The following IL11RA variants were observed in gnomAD, a reference collection of about 807,000 sequenced individuals.
The protein encoded by IL11RA is interleukin-11 receptor subunit alpha.
In IL11RA, 51 loss-of-function variants were observed where a neutral mutation model predicts 57.0. The ratio of observed to expected loss-of-function variants is 0.89; its 90% confidence interval spans 0.71 to 1.13. The LOEUF is 1.13. Among genes scored for constraint, IL11RA ranks in the 50% most tolerant of loss-of-function variants. The pLI is 0.00. For synonymous variants in IL11RA, 199 were observed against 217.5 expected (o/e 0.91, Z 0.75); for missense variants, 498 against 539.4 (o/e 0.92, Z 0.76).
intron 3 of IL11RA, among the ~76,000 whole-genome samples, chr9:34,656,211 T>G (rs1051856616): frequency 6.6e-6 from 1 of 152,078 alleles, no homozygotes; most frequent in Non-Finnish European, 1.5e-5. Flanking sequence ...TTTTTTTGTA[T>G]TTTTAGTAGA....
In IL11RA at chr9:34,660,871, G is replaced by T; in HGVS notation, c.1187G>T (p.Gly396Val). 1 of 1,614,232 alleles carries T rather than the reference G, an allele frequency of 6.2e-7. No individual in the cohort carries two copies. The highest frequency in any genetic ancestry group is 8.5e-7 in the Non-Finnish European group (1 of 1,180,032). Residue 396 changes from glycine (G) to valine (V), a missense_variant, in exon 12 of 13, where the codon GGT (glycine) becomes GTT (valine). Physicochemically the swap from Gly to Val is moderately radical, Grantham distance 109. Transcript: ENST00000441545. Reference protein sequence around the residue: ...ALGLWLRLRRGGKDGSPKPGF... With the variant: ...ALGLWLRLRRVGKDGSPKPGF... ...TGCCCCAGGCTGAGGCTGAGACGGG[G>T]TGGGAAGGATGGATCCCCAAAGCCT...
chr9:34,655,700 A>T, intron 3 of IL11RA, 35 bp downstream of exon 3: 1 of 1,592,500 alleles, frequency 6.3e-7, no homozygotes, highest in South Asian at 1.1e-5. Flanking sequence ...TCTGACACTC[A>T]TGACCCTTTC....
In IL11RA at chr9:34,660,284, A is replaced by G; in HGVS notation, c.963A>G (p.Pro321=). ...AWGTPSTGTI[P]KEIPAWGQLH... ...CTTGCCTTCCTTTAGGGACCATACC[A>G]AAGGAGATACCAGCATGGGGCCAGC... is the stretch of plus-strand genomic sequence containing the variant. The change falls in exon 10 of 13, where the codon CCA becomes CCG. Residue 321 remains proline (P), a synonymous_variant. Coordinates refer to ENST00000441545, the MANE Select transcript of IL11RA (RefSeq NM_001142784.3). 6.2e-7 allele frequency: 1 copy of G among 1,614,224 alleles called. No homozygotes were observed. Among genetic ancestry groups the G allele is most frequent in the Non-Finnish European group, 8.5e-7 (1 of 1,180,028 alleles).
In IL11RA at chr9:34,661,842, C is replaced by T; in HGVS notation, c.*344C>T. 4 of 1,391,790 alleles carry T rather than the reference C, an allele frequency of 2.9e-6. No homozygotes were observed. Among genetic ancestry groups the T allele is most frequent in the Non-Finnish European group, 4.0e-6 (4 of 1,004,154 alleles). The allele number at this position is 1,391,790 out of a possible 1,614,324, so 86.2% of individuals were successfully genotyped here. On this transcript the variant is annotated 3_prime_UTR_variant, in exon 13 of 13. Transcript: ENST00000441545. ...CCTTGGCTCTTGGCCTTTCCCCTTG[C>T]AGGGGTTGTGCAGGTGTGAATAAAG...
chr9:34,655,549 C>A, intron 2 of IL11RA, 56 bp from the exon 3 acceptor site: 1 of 1,525,522 alleles, frequency 6.6e-7, no homozygotes, highest in Non-Finnish European at 9.1e-7. Flanking sequence ...CTGTCATTCT[C>A]ACAAAGTGGG....
At position 34,655,225 on chromosome 9, in the gene IL11RA, G is replaced by A; in HGVS notation, c.8G>A (p.Ser3Asn). The change falls in exon 2 of 13, where the codon AGC (serine) becomes AAC (asparagine). Residue 3 changes from serine (S) to asparagine (N), a missense_variant. By Grantham distance (46) the Ser-to-Asn change is conservative (BLOSUM62 1). Transcript: ENST00000441545. ...CTCTACCTCTCCCCACAGATGAGCA[G>A]CAGCTGCTCAGGGCTGAGCAGGGTC... MS[S>N]SCSGLSRVLV... The A allele has an allele frequency of 6.2e-7, 1 of 1,610,326 alleles. No homozygotes were observed. Among genetic ancestry groups the A allele is most frequent in the Non-Finnish European group, 8.5e-7 (1 of 1,177,730 alleles).
intron 9 of IL11RA, 31 bp downstream of exon 9, chr9:34,659,931 G>C: frequency 1.2e-6 from 2 of 1,611,560 alleles, no homozygotes; most frequent in Non-Finnish European, 1.7e-6. Flanking sequence ...AAAGGGCAGA[G>C]GCCCCATCCC....
intron 5 of IL11RA, 50 bp from the exon 6 acceptor site, chr9:34,657,253 C>A: frequency 6.2e-7 from 1 of 1,613,264 alleles, no homozygotes; most frequent in Non-Finnish European, 8.5e-7. Context: ...TCAGAGAGGG[C>A]AGAAGGCCCT....
chr9:34,660,676 A>T, intron 11 of IL11RA, 76 bp downstream of exon 11: 1 of 1,315,204 alleles, frequency 7.6e-7, no homozygotes, highest in Non-Finnish European at 1.1e-6. Flanking sequence ...ATTCATCTCC[A>T]CCCTTCATGA....
At chr9:34,654,981 G>A (rs1821314144) in intron 1 of IL11RA, 1 of 505,820 alleles carries the variant, frequency 2.0e-6, no homozygotes. Flanking sequence ...GGGTGTGAGG[G>A]GGTGTGTGTG....
intron 9 of IL11RA, 75 bp downstream of exon 9, chr9:34,659,975 C>G (rs1009743871): frequency 6.4e-7 from 1 of 1,562,624 alleles, no homozygotes; most frequent in Non-Finnish European, 8.7e-7. Context: ...TTCCAAAAGA[C>G]AGGCAGGTGG....
At position 34,661,660 on chromosome 9, in the gene IL11RA, G is replaced by T; in HGVS notation, c.*162G>T. 1.2e-6 allele frequency: 1 copy of T among 829,828 alleles called. No individual in the cohort carries two copies. The highest frequency in any genetic ancestry group is 2.0e-6 in the Non-Finnish European group (1 of 493,332). 51.4% of individuals were successfully genotyped at this position (829,828 alleles called of 1,614,324 possible). A position where few individuals can be genotyped will look rare whatever the true frequency, so the allele number is the denominator to read the frequency against. On this transcript the variant is annotated 3_prime_UTR_variant, in exon 13 of 13. Coordinates refer to ENST00000441545, the MANE Select transcript of IL11RA (RefSeq NM_001142784.3). ...TGTATTTCAAATTTGCAGCTGAAAG[G>T]TGCTTGTACCTCTGATTTCACCCCA... is the stretch of plus-strand genomic sequence containing the variant.
intron 8 of IL11RA, 127 bp from the exon 9 acceptor site, chr9:34,659,632 C>T: frequency 2.6e-6 from 3 of 1,151,672 alleles, no homozygotes; most frequent in Admixed American, 1.7e-5. Flanking sequence ...AGACACCCAA[C>T]ATGAGACCTA....
chr9:34,657,259 G>A (rs758439988), intron 5 of IL11RA, 44 bp from the exon 6 acceptor site: 20 of 1,613,618 alleles, frequency 1.2e-5, no homozygotes, highest in Non-Finnish European at 1.7e-5. Context: ...AGGGCAGAAG[G>A]CCCTCTTTTC....
chr9:34,660,207 T>C (rs757502706), intron 9 of IL11RA, 67 bp from the exon 10 acceptor site: 2 of 1,612,982 alleles, frequency 1.2e-6, no homozygotes, highest in Non-Finnish European at 1.7e-6. Flanking sequence ...GCCTTGGCCT[T>C]GAGCACAGGA....
At chr9:34,655,989 G>T in intron 3 of IL11RA, 1 of 373,260 alleles carries the variant, frequency 2.7e-6, no homozygotes, top group East Asian at 5.8e-5. Context: ...CTGCAGGGCA[G>T]AAAAACCAAA....
chr9:34,656,712 T>G (rs758966841), intron 3 of IL11RA, 27 bp from the exon 4 acceptor site: 2 of 1,613,536 alleles, frequency 1.2e-6, no homozygotes, highest in Non-Finnish European at 8.5e-7. Context: ...CTTGTCTTTG[T>G]CCATTGTCAC....
chr9:34,660,940 A>G lies in IL11RA; in HGVS notation c.1252+4A>G. On this transcript the variant is annotated splice_donor_region_variant and intron_variant, in intron 12 of 12. Transcript: ENST00000441545. The stretch of plus-strand genomic sequence containing the variant: ...ATTCCAGTGGACAGGCGTCCAGGTG[A>G]GTAGGACATCCAGAAGATTTGGACT... 1.2e-6 allele frequency: 2 copies of G among 1,610,212 alleles called. No individual in the cohort carries two copies. The highest frequency in any genetic ancestry group is 1.1e-5 in the South Asian group (1 of 90,954).
In IL11RA at chr9:34,655,612, G is replaced by A; in HGVS notation, c.108G>A (p.Gln36=). ...CAGAAGTGCCCTCCACAGGGGTCCAGTATGGGCAGCCAGGCAGGTCCGTGA... is the reference window on the plus strand; with the variant it reads ...CAGAAGTGCCCTCCACAGGGGTCCAATATGGGCAGCCAGGCAGGTCCGTGA... ...CPQAWGPPGV[Q]YGQPGRSVKL... is the part of the protein sequence containing the mutation. Residue 36 remains glutamine (Q), a synonymous_variant, in exon 3 of 13, where the codon CAG becomes CAA. Coordinates refer to ENST00000441545, the MANE Select transcript of IL11RA (RefSeq NM_001142784.3). The A allele has an allele frequency of 6.2e-7, 1 of 1,614,120 alleles. No homozygotes were observed. Among genetic ancestry groups the A allele is most frequent in the Middle Eastern group, 1.7e-4 (1 of 6,054 alleles).
Sources: allele counts gnomAD v4.1 joint callset (sites outside exome capture counted in the v4.1 genomes callset), GRCh38; gene constraint gnomAD v4.1.1; transcripts MANE v1.5; gene names NCBI Gene and HGNC (gene_info 2026-07-23, HGNC 2026-07-21).